Variants in TRAPPC9 observed in about 807,000 individuals in gnomAD.
TRAPPC9 encodes trafficking protein particle complex subunit 9.
TRAPPC9 carries 83 observed loss-of-function variants against 124.0 expected under a neutral mutation model. The ratio of observed to expected loss-of-function variants is 0.67; its 90% confidence interval spans 0.56 to 0.80. TRAPPC9 has a LOEUF of 0.80. Among genes scored for constraint, TRAPPC9 ranks in the 30% least tolerant of loss-of-function variants. The probability of loss-of-function intolerance (pLI) is 0.00; values close to 1 mark genes in which losing one functional copy is unlikely to be tolerated. For synonymous variants in TRAPPC9, 638 were observed against 617.5 expected (o/e 1.03, Z -0.49); for missense variants, 1,302 against 1,508.3 (o/e 0.86, Z 2.27).
intron 17 of TRAPPC9, among the ~76,000 whole-genome samples, chr8:140,210,925 C>T (rs7839895): frequency 0.39 from 59,516 of 151,836 alleles, 14,063 homozygotes; most frequent in Middle Eastern, 0.54. Flanking sequence ...TCTGCTGCTC[C>T]CCAGGCCCCG....
intron 5 of TRAPPC9, among the ~76,000 whole-genome samples, chr8:140,425,343 A>T (rs899711564): frequency 6.6e-6 from 1 of 152,214 alleles, no homozygotes; most frequent in African/African-American, 2.4e-5. Flanking sequence ...GGATGTCCTC[A>T]CATACCAAAC....
At chr8:140,417,817 T>G (rs1049715836) in intron 5 of TRAPPC9, among the ~76,000 whole-genome samples, 9 of 152,232 alleles carry the variant, frequency 5.9e-5, no homozygotes, top group African/African-American at 2.2e-4. Context: ...AACCCAAATG[T>G]CCAACAATGA....
At chr8:140,247,649 C>G (rs2064019279) in intron 16 of TRAPPC9, among the ~76,000 whole-genome samples, 1 of 151,826 alleles carries the variant, frequency 6.6e-6, no homozygotes, top group South Asian at 2.1e-4. Flanking sequence ...TCTCTGGTGT[C>G]TCATAGCAGA....
At chr8:139,838,623 G>C (rs1335017629) in intron 21 of TRAPPC9, among the ~76,000 whole-genome samples, 1 of 152,152 alleles carries the variant, frequency 6.6e-6, no homozygotes, top group Non-Finnish European at 1.5e-5. Context: ...TTTCCTTCAG[G>C]GCCAGGCCTC....
At chr8:140,287,837 G>A in intron 12 of TRAPPC9, 103 bp from the exon 13 acceptor site, 1 of 1,513,480 alleles carries the variant, frequency 6.6e-7, no homozygotes, top group Non-Finnish European at 9.1e-7. Context: ...CGGAACTGCT[G>A]GAATAAAATC....
intron 15 of TRAPPC9, among the ~76,000 whole-genome samples, chr8:140,259,927 C>T (rs994400169): frequency 6.6e-6 from 1 of 152,166 alleles, no homozygotes; most frequent in South Asian, 2.1e-4. Flanking sequence ...GTGAAAAAAG[C>T]GGAATACCAC....
chr8:139,979,023 G>A (rs59136071), intron 19 of TRAPPC9, among the ~76,000 whole-genome samples: 5,999 of 151,984 alleles, frequency 0.039, 369 homozygotes, highest in African/African-American at 0.14. Context: ...CCCCAGGAGG[G>A]GAGTGAAGAG....
chr8:139,982,710 G>A (rs921692369), intron 19 of TRAPPC9, among the ~76,000 whole-genome samples: 6 of 152,228 alleles, frequency 3.9e-5, no homozygotes, highest in African/African-American at 1.4e-4. Context: ...CCTTTTAAAG[G>A]AGAGATTAGG....
intron 19 of TRAPPC9, chr8:139,913,930 G>C (rs1188522279): frequency 6.5e-6 from 1 of 152,710 alleles, no homozygotes; most frequent in East Asian, 1.9e-4. Context: ...ACCAGGAAGT[G>C]ACGGCAGCCC....
intron 17 of TRAPPC9, among the ~76,000 whole-genome samples, chr8:140,206,607 G>T (rs933137070): frequency 6.6e-6 from 1 of 152,062 alleles, no homozygotes. Context: ...TCCACAGTCT[G>T]CATTAAGGAG....
intron 21 of TRAPPC9, among the ~76,000 whole-genome samples, chr8:139,796,756 T>C (rs1424716733): frequency 2.0e-5 from 3 of 152,240 alleles, no homozygotes; most frequent in Admixed American, 2.0e-4. Flanking sequence ...TTCTCCTGGG[T>C]ATATATCCAG....
chr8:140,099,555 C>T (rs532543852), intron 17 of TRAPPC9: 1 of 151,242 alleles, frequency 6.6e-6, no homozygotes, highest in African/African-American at 2.4e-5. Flanking sequence ...CCGCAGCCGT[C>T]CGCAGGGAAG....
At chr8:140,348,530 TA>T (rs1014655586) in intron 9 of TRAPPC9, among the ~76,000 whole-genome samples, 1 of 149,194 alleles carries the variant, frequency 6.7e-6, no homozygotes, top group Non-Finnish European at 1.5e-5. Context: ...TCTCTCCTGC[TA>T]AAAAAAAAGC....
intron 21 of TRAPPC9, among the ~76,000 whole-genome samples, chr8:139,807,455 T>A (rs1159750020): frequency 6.6e-6 from 1 of 152,058 alleles, no homozygotes; most frequent in African/African-American, 2.4e-5. Context: ...GCTTTACTGA[T>A]TCCCTTCCAT....
intron 19 of TRAPPC9, among the ~76,000 whole-genome samples, chr8:139,986,015 C>T (rs536891055): frequency 1.4e-4 from 22 of 152,272 alleles, no homozygotes; most frequent in African/African-American, 3.8e-4. Flanking sequence ...GAGGCCGAGG[C>T]GGGCGGATCA....
At chr8:139,968,427 C>T (rs567633695) in intron 19 of TRAPPC9, among the ~76,000 whole-genome samples, 6 of 152,264 alleles carry the variant, frequency 3.9e-5, no homozygotes, top group South Asian at 4.1e-4. Flanking sequence ...AGCTCCAAGA[C>T]GACCCTGAAA....
At chr8:139,944,841 C>T (rs573057159) in intron 19 of TRAPPC9, among the ~76,000 whole-genome samples, 56 of 152,162 alleles carry the variant, frequency 3.7e-4, no homozygotes, top group African/African-American at 1.2e-3. Flanking sequence ...TAAAAAAGCA[C>T]GCCAGCCATG....
chr8:139,756,688 G>C (rs1171795977), intron 21 of TRAPPC9, among the ~76,000 whole-genome samples: 1 of 133,306 alleles, frequency 7.5e-6, no homozygotes, highest in Non-Finnish European at 1.6e-5. Flanking sequence ...ACAGTGTGTC[G>C]CAGGAGGAGC....
chr8:140,438,836 C>T (rs1279804312), intron 3 of TRAPPC9, among the ~76,000 whole-genome samples: 4 of 152,250 alleles, frequency 2.6e-5, no homozygotes, highest in African/African-American at 2.4e-5. Context: ...GGACTATAGG[C>T]GCGTGCCACC....
Sources: allele counts gnomAD v4.1 joint callset (sites outside exome capture counted in the v4.1 genomes callset), GRCh38; gene constraint gnomAD v4.1.1; transcripts MANE v1.5; gene names NCBI Gene and HGNC (gene_info 2026-07-23, HGNC 2026-07-21).